SCNN1D: variants seen among roughly 807,000 people sequenced by gnomAD.
The protein encoded by SCNN1D is sodium channel epithelial 1 subunit delta, also known as epithelial sodium channel subunit delta.
In SCNN1D, 104 loss-of-function variants were observed where a neutral mutation model predicts 87.8. The observed-to-expected ratio is 1.18, with a 90% CI of 1.01 to 1.39. The LOEUF is 1.39. Ranked by LOEUF, SCNN1D falls within the 40% of genes most tolerant of loss-of-function variation. The probability of loss-of-function intolerance (pLI) is 0.00; values close to 1 mark genes in which losing one functional copy is unlikely to be tolerated. For synonymous variants in SCNN1D, 628 were observed against 481.2 expected (o/e 1.31, Z -3.99); for missense variants, 1,324 against 1,093.9 (o/e 1.21, Z -2.97).
At chr1:1,284,589 G>C (rs1018974429) in intron 5 of SCNN1D, among the ~76,000 whole-genome samples, 1 of 151,394 alleles carries the variant, frequency 6.6e-6, no homozygotes, top group Admixed American at 6.6e-5. Flanking sequence ...GGTGCCGAGC[G>C]TGTGCTGGAC....
chr1:1,280,536 A>G lies in SCNN1D; in HGVS notation c.-126A>G. The G allele has an allele frequency of 1.5e-6, 1 of 649,484 alleles. No homozygotes were observed. The highest frequency in any genetic ancestry group is 2.9e-6 in the Non-Finnish European group (1 of 349,906). 40.2% of individuals were successfully genotyped at this position (649,484 alleles called of 1,614,324 possible). ...TTACAGTATGGCGTTGTGCAGATGA[A>G]GGTCTTATCGCAGATGAAGCCACCA... On this transcript the variant is annotated 5_prime_UTR_variant, in exon 1 of 18. Coordinates refer to ENST00000379116, the MANE Select transcript of SCNN1D (RefSeq NM_001130413.4).
intron 9 of SCNN1D, 90 bp from the exon 10 acceptor site, chr1:1,287,418 G>A (rs973522510): frequency 1.3e-5 from 20 of 1,486,812 alleles, no homozygotes; most frequent in Non-Finnish European, 1.7e-5. Flanking sequence ...GGAACTTTCC[G>A]CAGACACAGG....
chr1:1,289,942 T>C lies in SCNN1D; in HGVS notation c.1663-329T>C, dbSNP rs58752875. 8.9e-3 allele frequency among the ~76,000 whole-genome samples: 173 copies of C among 19,474 alleles called. 2 individuals carry two copies. Among genetic ancestry groups the C allele is most frequent in the South Asian group, 0.011 (3 of 264 alleles). The allele number at this position is 19,474 out of a possible 152,430, so 12.8% of individuals were successfully genotyped here. A position where few individuals can be genotyped will look rare whatever the true frequency, so the allele number is the denominator to read the frequency against. On this transcript the variant is annotated intron_variant, in intron 12 of 17. Coordinates refer to ENST00000379116, the MANE Select transcript of SCNN1D (RefSeq NM_001130413.4). ...TCTGCCCCGTCCCCCGTGTCTCTGC[T>C]CCGTCCCGTGTCTCTGCTCCGTCCC... is the stretch of plus-strand genomic sequence containing the variant.
intron 15 of SCNN1D, 48 bp downstream of exon 15, chr1:1,290,742 C>T (rs899934343): frequency 2.9e-5 from 46 of 1,597,162 alleles, no homozygotes; most frequent in Non-Finnish European, 3.8e-5. Context: ...CCAGGCAGAC[C>T]CCACAGGTCC....
At position 1,288,210 on chromosome 1, in the gene SCNN1D, T is replaced by C. The variant is rs1344818977; in HGVS notation, c.1662+173T>C. On this transcript the variant is annotated intron_variant, in intron 12 of 17. Coordinates refer to ENST00000379116, the MANE Select transcript of SCNN1D (RefSeq NM_001130413.4). ...GTGTCCCCGCTCCATTCCCTGTGTC[T>C]CTGCTCCGTCCCGTGTCTCTGCTCC... 6.9e-4 allele frequency among the ~76,000 whole-genome samples: 99 copies of C among 143,906 alleles called. 2 individuals carry two copies. The highest frequency in any genetic ancestry group is 9.3e-4 in the Non-Finnish European group (60 of 64,524). The allele number at this position is 143,906 out of a possible 152,430, so 94.4% of individuals were successfully genotyped here. A position where few individuals can be genotyped will look rare whatever the true frequency, so the allele number is the denominator to read the frequency against.
intron 11 of SCNN1D, 50 bp downstream of exon 11, chr1:1,287,886 T>G (rs1640637625): frequency 6.6e-7 from 1 of 1,518,260 alleles, no homozygotes. Context: ...CTGCCCAACC[T>G]GGGCTTTGGG....
rs766384396 is a variant in SCNN1D, at chr1:1,291,179, G to T, written c.2052+39G>T. On this transcript the variant is annotated intron_variant, in intron 17 of 17. Coordinates refer to ENST00000379116, the MANE Select transcript of SCNN1D (RefSeq NM_001130413.4). Reference sequence around the variant, plus strand: ...CCCTGCCTGGGCTAGAGCGGGGGCAGCGACAGTGGCTGGCCCTGCACAGAA... The same window carrying T: ...CCCTGCCTGGGCTAGAGCGGGGGCATCGACAGTGGCTGGCCCTGCACAGAA... 3.5e-5 allele frequency: 56 copies of T among 1,600,184 alleles called. 1 individual carries two copies. In the South Asian group the frequency reaches 6.0e-4, roughly 17 times the overall value.
chr1:1,280,561 A>G lies in SCNN1D; in HGVS notation c.-101A>G. 1 of 666,074 alleles carries G rather than the reference A, an allele frequency of 1.5e-6. No homozygotes were observed. Among genetic ancestry groups the G allele is most frequent in the South Asian group, 1.5e-5 (1 of 65,214 alleles). The allele number at this position is 666,074 out of a possible 1,614,324, so 41.3% of individuals were successfully genotyped here. A position where few individuals can be genotyped will look rare whatever the true frequency, so the allele number is the denominator to read the frequency against. ...AGGTCTTATCGCAGATGAAGCCACC[A>G]GGTCACAAGCCTCAGAGAGAATCAA... is the stretch of plus-strand genomic sequence containing the variant. On this transcript the variant is annotated 5_prime_UTR_variant, in exon 1 of 18. Coordinates refer to ENST00000379116, the MANE Select transcript of SCNN1D (RefSeq NM_001130413.4).
intron 7 of SCNN1D, 55 bp from the exon 8 acceptor site, chr1:1,286,713 G>T: frequency 6.6e-7 from 1 of 1,522,352 alleles, no homozygotes. Context: ...TGGGATGCTG[G>T]GGCCAGTGTG....
chr1:1,287,340 C>A (rs756822934), intron 9 of SCNN1D, 41 bp downstream of exon 9: 5 of 1,528,704 alleles, frequency 3.3e-6, no homozygotes, highest in Non-Finnish European at 4.4e-6. Context: ...CGTCCCACCC[C>A]ACAGAGCGTG....
chr1:1,286,630 T>A (rs1322229585), intron 7 of SCNN1D, 138 bp from the exon 8 acceptor site: 1 of 837,044 alleles, frequency 1.2e-6, no homozygotes, highest in Non-Finnish European at 1.8e-6. Flanking sequence ...GGCCTCCAAC[T>A]CCAGCTCTGG....
intron 5 of SCNN1D, among the ~76,000 whole-genome samples, 200 bp from the exon 6 acceptor site, chr1:1,285,371 C>G (rs1231319400): frequency 6.6e-6 from 1 of 152,210 alleles, no homozygotes; most frequent in Non-Finnish European, 1.5e-5. Context: ...TGGGGCCACC[C>G]CGAGCCACAG....
chr1:1,291,423 C>T lies in SCNN1D; in HGVS notation c.2222C>T (p.Pro741Leu). 6.2e-7 allele frequency: 1 copy of T among 1,607,268 alleles called. No individual in the cohort carries two copies. Among genetic ancestry groups the T allele is most frequent in the East Asian group, 2.2e-5 (1 of 44,758 alleles). Residue 741 changes from proline to leucine, a missense_variant, in exon 18 of 18, where the codon CCT becomes CTT. Pro to Leu is a moderately conservative substitution (Grantham distance 98). Transcript: ENST00000379116. The stretch of plus-strand genomic sequence containing the variant: ...TGGTTCTCCTGGCCCAGAGCCAGCC[C>T]TGCCTCAGGGGCGTCCAGCATCAAG... Reference protein sequence around the residue: ...RAWFSWPRASPASGASSIKPE... With the variant: ...RAWFSWPRASLASGASSIKPE...
intron 12 of SCNN1D, 113 bp from the exon 13 acceptor site, chr1:1,290,158 G>C: frequency 1.9e-6 from 1 of 527,262 alleles, no homozygotes; most frequent in Non-Finnish European, 3.0e-6. Flanking sequence ...CCGTGTCTCT[G>C]CTCCGTCCCG....
At chr1:1,282,570 A>G (rs1408055896) in intron 4 of SCNN1D, among the ~76,000 whole-genome samples, 1 of 151,934 alleles carries the variant, frequency 6.6e-6, no homozygotes, top group Non-Finnish European at 1.5e-5. Context: ...ACACAACCGC[A>G]CTGGGGCTGA....
intron 12 of SCNN1D, 98 bp from the exon 13 acceptor site, chr1:1,290,173 C>T (rs5026410): frequency 0.07 from 18,616 of 266,872 alleles, 1,823 homozygotes; most frequent in African/African-American, 0.36. Flanking sequence ...GTCCCGTGTC[C>T]CTGCTCCGTC....
At chr1:1,287,650 C>T (rs994818375) in intron 10 of SCNN1D, 23 bp from the exon 11 acceptor site, 1 of 1,611,510 alleles carries the variant, frequency 6.2e-7, no homozygotes, top group Admixed American at 1.7e-5. Flanking sequence ...CAGGTGGCCT[C>T]ACACCAGCCC....
At position 1,291,580 on chromosome 1, in the gene SCNN1D, G is replaced by T. The variant is rs773650803; in HGVS notation, c.2379G>T (p.Gly793=). 21 of 1,560,100 alleles carry T rather than the reference G, an allele frequency of 1.3e-5. No homozygotes were observed. The South Asian group carries it at 2.4e-4, about 18-fold the overall frequency. Residue 793 remains glycine, a synonymous_variant, in exon 18 of 18, where the codon GGG becomes GGT. Coordinates refer to ENST00000379116, the MANE Select transcript of SCNN1D (RefSeq NM_001130413.4). ...TCTCAGCCGAAGAGAGCTGGGCTGG[G>T]CCCCAGCCCCTTGAGACTCTGGACA... ...AGVSAEESWA[G]PQPLETLDT
Position 1,286,002 on chromosome 1 carries a change from G to C in SCNN1D, c.635G>C (p.Gly212Ala), listed in dbSNP as rs376140536. 3 of 1,561,440 alleles carry C rather than the reference G, an allele frequency of 1.9e-6. No homozygotes were observed. The African/African-American group carries it at 4.1e-5, about 21-fold the overall frequency. The change falls in exon 7 of 18, where the codon GGG becomes GCG. Residue 212 changes from glycine to alanine, a missense_variant. Coordinates refer to ENST00000379116, the MANE Select transcript of SCNN1D (RefSeq NM_001130413.4). ...PPPPKEGHQE[G>A]LVELPASFRE... is the part of the protein sequence containing the mutation. The stretch of plus-strand genomic sequence containing the variant: ...CCACCCAAGGAGGGGCACCAGGAGG[G>C]GCTGGTGGAGCTGCCCGCCTCGTTC...
Sources: allele counts gnomAD v4.1 joint callset (sites outside exome capture counted in the v4.1 genomes callset), GRCh38; gene constraint gnomAD v4.1.1; transcripts MANE v1.5; gene names NCBI Gene and HGNC (gene_info 2026-07-23, HGNC 2026-07-21).